Variants in CHD6 observed in about 807,000 individuals in gnomAD.
CHD6 encodes the protein ATP-dependent chromatin remodeler CHD6.
Under a neutral mutation model 276.9 loss-of-function variants are expected in CHD6, and 50 were observed. That is an observed-to-expected ratio of 0.18 (90% CI 0.14 to 0.23). The LOEUF is 0.23. Ranked by LOEUF, CHD6 falls within the 10% of genes least tolerant of loss-of-function variation. CHD6 has a pLI of 1.00. For missense variants in CHD6, 2,564 were observed against 3,365.8 expected (o/e 0.76, Z 5.89); for synonymous variants, 1,173 against 1,229.3 (o/e 0.95, Z 0.96).
intron 12 of CHD6, among the ~76,000 whole-genome samples, chr20:41,489,180 C>T (rs1342972389): frequency 6.6e-6 from 1 of 152,150 alleles, no homozygotes; most frequent in Non-Finnish European, 1.5e-5. Context: ...TTCCAAGTGT[C>T]TCTGCTGTTT....
intron 1 of CHD6, among the ~76,000 whole-genome samples, chr20:41,615,700 T>TAG (rs2045928801): frequency 6.6e-6 from 1 of 152,236 alleles, no homozygotes; most frequent in Non-Finnish European, 1.5e-5. Context: ...CTTAAACTTG[T>TAG]TCAAAGAGAT....
chr20:41,544,014 C>T (rs868378177), intron 2 of CHD6, among the ~76,000 whole-genome samples: 14 of 152,060 alleles, frequency 9.2e-5, no homozygotes, highest in African/African-American at 2.4e-4. Context: ...CCAAGACATG[C>T]GGATTGCCTG....
At chr20:41,495,055 A>G (rs1034853682) in intron 8 of CHD6, among the ~76,000 whole-genome samples, 2 of 146,810 alleles carry the variant, frequency 1.4e-5, no homozygotes, top group Non-Finnish European at 3.0e-5. Context: ...AAAAAAAAAA[A>G]CCCAGTTTGT....
Position 41,447,711 on chromosome 20 carries a change from G to T in CHD6, c.3773+171C>A, listed in dbSNP as rs569223655. ...CCTTTATTTTATTTGTAGATGACCTGATGAATTGTCCTTATTCTACTTGCC... is the reference window on the plus strand; with the variant it reads ...CCTTTATTTTATTTGTAGATGACCTTATGAATTGTCCTTATTCTACTTGCC... On this transcript the variant is annotated intron_variant, in intron 24 of 36. Transcript: ENST00000373233. Among the ~76,000 whole-genome samples the T allele has an allele frequency of 1.2e-4, 18 of 152,310 alleles. No individual in the cohort carries two copies. In the South Asian group the frequency reaches 3.3e-3, roughly 28 times the overall value.
chr20:41,421,491 T>C lies in CHD6; in HGVS notation c.5144A>G (p.Gln1715Arg). The change falls in exon 31 of 37, where the codon CAA (glutamine) becomes CGA (arginine). Residue 1715 changes from glutamine to arginine, a missense_variant. Around this residue, in one of 7 missense-constraint regions of CHD6, gnomAD observed 1,024 missense variants for 1,047.9 expected, o/e 0.98. Coordinates refer to ENST00000373233, the MANE Select transcript of CHD6 (RefSeq NM_032221.5). ...GCTCTCCTGAAAAGAGCTTGGTTCT[T>C]GGCTGAGCACCTTCTTACCATACAT... Reference protein sequence around the residue: ...SMMYGKKVLSQEPSSFQESPS... With the variant: ...SMMYGKKVLSREPSSFQESPS... 6.2e-7 allele frequency: 1 copy of C among 1,613,688 alleles called. No individual in the cohort carries two copies. The highest frequency in any genetic ancestry group is 8.5e-7 in the Non-Finnish European group (1 of 1,179,842).
At chr20:41,607,594 A>T (rs1206801009) in intron 1 of CHD6, among the ~76,000 whole-genome samples, 1 of 152,184 alleles carries the variant, frequency 6.6e-6, no homozygotes, top group Non-Finnish European at 1.5e-5. Flanking sequence ...ATCTAACCCA[A>T]GAAGTGCTGT....
chr20:41,460,576 G>C (rs2145713356), intron 17 of CHD6, among the ~76,000 whole-genome samples: 1 of 152,358 alleles, frequency 6.6e-6, no homozygotes, highest in East Asian at 1.9e-4. Context: ...GGCTTCAGAG[G>C]GTGAAAGCAC....
chr20:41,426,751 C>T (rs1481135497), intron 27 of CHD6, among the ~76,000 whole-genome samples: 1 of 152,176 alleles, frequency 6.6e-6, no homozygotes, highest in Non-Finnish European at 1.5e-5. Context: ...TGAGCTTGCC[C>T]AAGTCGGTGT....
chr20:41,557,235 G>A (rs984120741), intron 1 of CHD6, among the ~76,000 whole-genome samples: 1 of 152,180 alleles, frequency 6.6e-6, no homozygotes, highest in African/African-American at 2.4e-5. Flanking sequence ...CATTATGTAT[G>A]AGTGCTTCCG....
intron 17 of CHD6, among the ~76,000 whole-genome samples, chr20:41,464,342 G>A (rs535389938): frequency 6.6e-6 from 1 of 152,218 alleles, no homozygotes; most frequent in South Asian, 2.1e-4. Context: ...ATAGTATTCT[G>A]ATTATATACT....
rs1469560110 is a variant in CHD6, at chr20:41,432,160, C to G, written c.4068+5114G>C. ...GGGCAGCAAGAGTAAAACTCCGTCTCAAAAAAAAAAAAAAAAAAAGAAGCG... is the reference window on the plus strand; with the variant it reads ...GGGCAGCAAGAGTAAAACTCCGTCTGAAAAAAAAAAAAAAAAAAAGAAGCG... On this transcript the variant is annotated intron_variant, in intron 27 of 36. Coordinates refer to ENST00000373233, the MANE Select transcript of CHD6 (RefSeq NM_032221.5). Among the ~76,000 whole-genome samples the G allele has an allele frequency of 5.1e-5, 3 of 58,996 alleles. No homozygotes were observed. In the South Asian group the frequency reaches 2.0e-3, roughly 38 times the overall value. The allele number at this position is 58,996 out of a possible 152,430, so 38.7% of individuals were successfully genotyped here. A position where few individuals can be genotyped will look rare whatever the true frequency, so the allele number is the denominator to read the frequency against.
intron 3 of CHD6, among the ~76,000 whole-genome samples, chr20:41,529,550 T>C (rs1316220390): frequency 6.6e-6 from 1 of 152,078 alleles, no homozygotes; most frequent in Non-Finnish European, 1.5e-5. Flanking sequence ...ATATCTGAAC[T>C]CTGATATATA....
chr20:41,523,867 G>C (rs557499691), intron 3 of CHD6, among the ~76,000 whole-genome samples: 1 of 152,100 alleles, frequency 6.6e-6, no homozygotes, highest in East Asian at 1.9e-4. Context: ...CTCTGTCCCC[G>C]TGGACTCCAG....
intron 35 of CHD6, 41 bp downstream of exon 35, chr20:41,413,283 G>C: frequency 1.4e-6 from 2 of 1,452,150 alleles, no homozygotes; most frequent in Non-Finnish European, 9.2e-7. Context: ...AAGTCAGCAG[G>C]AAGTAAACAG....
chr20:41,410,338 T>C (rs114328740), intron 36 of CHD6, among the ~76,000 whole-genome samples: 431 of 152,258 alleles, frequency 2.8e-3, no homozygotes, highest in African/African-American at 9.8e-3. Flanking sequence ...CCAGTCTGGA[T>C]GATGTGGTAT....
At chr20:41,413,235 C>T in intron 35 of CHD6, 89 bp downstream of exon 35, 1 of 1,044,732 alleles carries the variant, frequency 9.6e-7, no homozygotes, top group Non-Finnish European at 1.3e-6. Flanking sequence ...TCCCAACTTC[C>T]TGGTTGCCCT....
intron 1 of CHD6, among the ~76,000 whole-genome samples, chr20:41,592,568 G>T (rs1380660128): frequency 6.6e-6 from 1 of 152,154 alleles, no homozygotes; most frequent in Non-Finnish European, 1.5e-5. Context: ...AAGACAACGA[G>T]TACACATATT....
At chr20:41,591,085 A>T (rs1165263868) in intron 1 of CHD6, among the ~76,000 whole-genome samples, 3 of 151,942 alleles carry the variant, frequency 2.0e-5, no homozygotes, top group African/African-American at 7.3e-5. Flanking sequence ...GCTGGAAAGC[A>T]TCATTCTCAG....
intron 2 of CHD6, among the ~76,000 whole-genome samples, chr20:41,536,432 A>G (rs913120238): frequency 3.9e-5 from 6 of 152,232 alleles, no homozygotes; most frequent in African/African-American, 1.4e-4. Flanking sequence ...GATAAACTGG[A>G]TCAGGTCAGT....
Sources: allele counts gnomAD v4.1 joint callset (sites outside exome capture counted in the v4.1 genomes callset), GRCh38; gene constraint gnomAD v4.1.1; regional missense constraint gnomAD v4.1.1; transcripts MANE v1.5; gene names NCBI Gene and HGNC (gene_info 2026-07-23, HGNC 2026-07-21).